KLHL20: variants seen among roughly 807,000 people sequenced by gnomAD.
The protein encoded by KLHL20 is kelch-like protein 20.
KLHL20 carries 29 observed loss-of-function variants against 69.5 expected under a neutral mutation model. The ratio of observed to expected loss-of-function variants is 0.42; its 90% CI spans 0.31 to 0.57. The LOEUF (loss-of-function observed/expected upper bound fraction) is 0.57. KLHL20 is among the 20% of genes least tolerant of loss of function. KLHL20 has a pLI of 0.18. For synonymous variants in KLHL20, 253 were observed against 265.2 expected, an observed-to-expected ratio of 0.95 and a Z score of 0.45; for missense variants, 419 against 776.0, an observed-to-expected ratio of 0.54 and a Z score of 5.47.
chr1:173,769,095 A>C (rs932702331), intron 8 of KLHL20, among the ~76,000 whole-genome samples: 1 of 152,194 alleles, frequency 6.6e-6, no homozygotes, highest in Admixed American at 6.5e-5. Context: ...GGGTTTCTCA[A>C]CCTCAACACT....
intron 3 of KLHL20, among the ~76,000 whole-genome samples, chr1:173,736,318 T>C (rs1243887405): frequency 1.3e-5 from 2 of 152,178 alleles, no homozygotes; most frequent in African/African-American, 4.8e-5. Context: ...ACATTTTCTT[T>C]ATCCACTTGT....
chr1:173,749,667 G>A (rs1228984156), intron 3 of KLHL20, among the ~76,000 whole-genome samples: 2 of 151,958 alleles, frequency 1.3e-5, no homozygotes, highest in African/African-American at 2.4e-5. Context: ...GTCATCTTGC[G>A]TTTCCATTAA....
chr1:173,737,169 C>T (rs937775693), intron 3 of KLHL20, among the ~76,000 whole-genome samples: 7 of 152,216 alleles, frequency 4.6e-5, no homozygotes, highest in African/African-American at 9.7e-5. Flanking sequence ...TCTCCCACTC[C>T]GTGGGTTGTC....
At chr1:173,750,470 C>T (rs867041777) in intron 3 of KLHL20, among the ~76,000 whole-genome samples, 9 of 149,246 alleles carry the variant, frequency 6.0e-5, no homozygotes, top group Non-Finnish European at 8.9e-5. Flanking sequence ...CCACCATGTC[C>T]GGCTAATTTT....
At chr1:173,740,315 G>A (rs926935844) in intron 3 of KLHL20, among the ~76,000 whole-genome samples, 1 of 151,226 alleles carries the variant, frequency 6.6e-6, no homozygotes, top group Non-Finnish European at 1.5e-5. Context: ...GTAAAGATGG[G>A]GTTTCACCGT....
intron 2 of KLHL20, among the ~76,000 whole-genome samples, chr1:173,727,848 A>G (rs1325655973): frequency 6.6e-6 from 1 of 152,184 alleles, no homozygotes; most frequent in Non-Finnish European, 1.5e-5. Flanking sequence ...TCAACTAACG[A>G]GCAAAATAAC....
At chr1:173,758,952 C>T (rs563697442) in intron 7 of KLHL20, among the ~76,000 whole-genome samples, 8 of 152,318 alleles carry the variant, frequency 5.3e-5, no homozygotes, top group African/African-American at 1.9e-4. Context: ...TTTTCTCTTG[C>T]AGCTGGGAGG....
At chr1:173,724,480 ATAAT>A (rs995646336) in intron 2 of KLHL20, among the ~76,000 whole-genome samples, 1 of 152,220 alleles carries the variant, frequency 6.6e-6, no homozygotes, top group Non-Finnish European at 1.5e-5. Context: ...TGTTAAAAGA[ATAAT>A]TATTTTAATT....
At chr1:173,755,844 A>G (rs1673526787) in intron 5 of KLHL20, 79 bp from the exon 6 acceptor site, 1 of 903,186 alleles carries the variant, frequency 1.1e-6, no homozygotes, top group Non-Finnish European at 1.8e-6. Flanking sequence ...TTGCCAACCT[A>G]TATATTCCTA....
At chr1:173,737,407 G>C (rs1319439398) in intron 3 of KLHL20, among the ~76,000 whole-genome samples, 1 of 152,192 alleles carries the variant, frequency 6.6e-6, no homozygotes, top group Admixed American at 6.5e-5. Flanking sequence ...TATAAGGTGA[G>C]AGATGAAGAT....
chr1:173,738,038 C>CATTAATT (rs1049850802), intron 3 of KLHL20, among the ~76,000 whole-genome samples: 3 of 151,086 alleles, frequency 2.0e-5, no homozygotes, highest in Non-Finnish European at 4.4e-5. Context: ...AGCAGTACTA[C>CATTAATT]TGGTTTGTGT....
At chr1:173,749,117 A>G (rs1370409564) in intron 3 of KLHL20, among the ~76,000 whole-genome samples, 1 of 152,176 alleles carries the variant, frequency 6.6e-6, no homozygotes, top group Admixed American at 6.5e-5. Flanking sequence ...TTTGGAGCTT[A>G]ACATTTGTGA....
chr1:173,784,143 G>C (rs79993209), intron 11 of KLHL20, among the ~76,000 whole-genome samples: 2,096 of 152,254 alleles, frequency 0.014, 48 homozygotes, highest in African/African-American at 0.046. Flanking sequence ...TATTGAGGGA[G>C]ACAAACAGTA....
Position 173,786,118 on chromosome 1 carries a change from A to G in KLHL20, c.*871A>G, listed in dbSNP as rs767082346. 3 of 152,402 alleles carry G rather than the reference A, an allele frequency of 2.0e-5. No homozygotes were observed. The highest frequency in any genetic ancestry group is 7.2e-5 in the African/African-American group (3 of 41,444). 9.4% of individuals were successfully genotyped at this position (152,402 alleles called of 1,614,324 possible). ...TGCTACCAAGGACCAGCAGGGAGAA[A>G]TGTCTTCTCCCAGCAGTGAATTCTG... On this transcript the variant is annotated 3_prime_UTR_variant, in exon 12 of 12. Coordinates refer to ENST00000209884, the MANE Select transcript of KLHL20 (RefSeq NM_014458.4).
chr1:173,732,617 G>A (rs1246030852), intron 2 of KLHL20, among the ~76,000 whole-genome samples: 1 of 152,124 alleles, frequency 6.6e-6, no homozygotes, highest in Non-Finnish European at 1.5e-5. Context: ...ATGAGGCACT[G>A]AATTTTACAA....
chr1:173,742,107 G>A (rs1260036554), intron 3 of KLHL20, among the ~76,000 whole-genome samples: 3 of 152,104 alleles, frequency 2.0e-5, no homozygotes, highest in Non-Finnish European at 2.9e-5. Context: ...AAGAAATTCA[G>A]ATTCCCCTTA....
At chr1:173,768,243 G>A (rs1369367804) in intron 8 of KLHL20, among the ~76,000 whole-genome samples, 1 of 151,902 alleles carries the variant, frequency 6.6e-6, no homozygotes, top group African/African-American at 2.4e-5. Flanking sequence ...ACTTTATACT[G>A]GTGTACAAAT....
chr1:173,753,447 G>A, intron 5 of KLHL20, 140 bp downstream of exon 5: 1 of 645,982 alleles, frequency 1.5e-6, no homozygotes, highest in Non-Finnish European at 2.7e-6. Flanking sequence ...TTTCTTCTGG[G>A]CTAGAGTCAA....
intron 8 of KLHL20, among the ~76,000 whole-genome samples, chr1:173,769,887 C>T (rs1647977965): frequency 6.6e-6 from 1 of 151,592 alleles, no homozygotes; most frequent in South Asian, 2.1e-4. Flanking sequence ...TAAATATATG[C>T]CCAAAAGTTA....
Sources: gnomAD v4.1 joint callset for allele counts (sites outside exome capture counted in the v4.1 genomes callset) on GRCh38, gnomAD v4.1.1 for gene constraint, MANE v1.5 for transcripts, NCBI Gene and HGNC (gene_info 2026-07-23, HGNC 2026-07-21) for gene names.